ARHGAP44: variants seen among roughly 807,000 people sequenced by gnomAD.
The protein encoded by ARHGAP44 is rho GTPase-activating protein 44.
In ARHGAP44, 43 loss-of-function variants were observed where a neutral mutation model predicts 106.8. The ratio of observed to expected loss-of-function variants is 0.40; its 90% confidence interval spans 0.32 to 0.52. The LOEUF (loss-of-function observed/expected upper bound fraction) is 0.52. ARHGAP44 is among the 20% of genes least tolerant of loss of function. ARHGAP44 has a pLI of 0.48. For synonymous variants in ARHGAP44, 439 were observed against 410.3 expected, an observed-to-expected ratio of 1.07 and a Z score of -0.85; for missense variants, 866 against 1,050.5, an observed-to-expected ratio of 0.82 and a Z score of 2.43.
chr17:12,950,908 G>A (rs989718722), intron 12 of ARHGAP44, among the ~76,000 whole-genome samples: 1 of 152,310 alleles, frequency 6.6e-6, no homozygotes, highest in African/African-American at 2.4e-5. Context: ...AGGAACAACA[G>A]TGAAATATGT....
At chr17:12,935,213 TA>T (rs985329179) in intron 7 of ARHGAP44, among the ~76,000 whole-genome samples, 12 of 152,132 alleles carry the variant, frequency 7.9e-5, no homozygotes, top group African/African-American at 2.2e-4. Flanking sequence ...GAGAACACTT[TA>T]AAAAAATATT....
chr17:12,858,440 G>A (rs921170447), intron 1 of ARHGAP44, among the ~76,000 whole-genome samples: 1 of 152,192 alleles, frequency 6.6e-6, no homozygotes, highest in African/African-American at 2.4e-5. Context: ...TTTTGTATCT[G>A]TAAGCATGAG....
At chr17:12,818,351 A>C (rs1015168140) in intron 1 of ARHGAP44, among the ~76,000 whole-genome samples, 2 of 151,368 alleles carry the variant, frequency 1.3e-5, no homozygotes, top group South Asian at 2.1e-4. Context: ...AAAAAAAAAA[A>C]AACAACCCTA....
At chr17:12,874,517 G>T (rs1158072783) in intron 1 of ARHGAP44, among the ~76,000 whole-genome samples, 1 of 152,052 alleles carries the variant, frequency 6.6e-6, no homozygotes, top group Non-Finnish European at 1.5e-5. Flanking sequence ...GATCGCCTGA[G>T]GTCAGGAGTT....
intron 10 of ARHGAP44, among the ~76,000 whole-genome samples, chr17:12,944,652 ATTT>A (rs5819393): frequency 7.3e-6 from 1 of 137,450 alleles, no homozygotes; most frequent in Non-Finnish European, 1.6e-5. Flanking sequence ...CGCCCAGCTA[ATTT>A]TTTTTTTTTT....
At chr17:12,863,344 G>T (rs1011684844) in intron 1 of ARHGAP44, among the ~76,000 whole-genome samples, 4 of 151,908 alleles carry the variant, frequency 2.6e-5, no homozygotes, top group Non-Finnish European at 5.9e-5. Context: ...AAAATTCCTT[G>T]ACCTAGTTTA....
At chr17:12,810,451 T>C (rs1324458861) in intron 1 of ARHGAP44, among the ~76,000 whole-genome samples, 1 of 152,168 alleles carries the variant, frequency 6.6e-6, no homozygotes, top group Non-Finnish European at 1.5e-5. Flanking sequence ...TATGCTAATA[T>C]GGTGACTCAT....
At chr17:12,834,305 A>G (rs994411224) in intron 1 of ARHGAP44, among the ~76,000 whole-genome samples, 2 of 152,322 alleles carry the variant, frequency 1.3e-5, no homozygotes, top group Non-Finnish European at 1.5e-5. Flanking sequence ...CTAACTGACA[A>G]TATGCTCCTT....
intron 3 of ARHGAP44, 80 bp from the exon 4 acceptor site, chr17:12,908,817 G>A: frequency 9.0e-7 from 1 of 1,111,164 alleles, no homozygotes; most frequent in Non-Finnish European, 1.3e-6. Flanking sequence ...ACCTTGGCAA[G>A]TATTTGACTT....
At chr17:12,825,430 G>A (rs1035225696) in intron 1 of ARHGAP44, among the ~76,000 whole-genome samples, 2 of 152,044 alleles carry the variant, frequency 1.3e-5, no homozygotes, top group African/African-American at 4.8e-5. Context: ...GTGTGTGTGT[G>A]TGTGTGTGTG....
intron 20 of ARHGAP44, chr17:12,985,201 T>C (rs963257299): frequency 8.4e-6 from 3 of 356,282 alleles, no homozygotes; most frequent in African/African-American, 6.2e-5. Flanking sequence ...CTGAGTCATT[T>C]GGAGTGGGGC....
chr17:12,989,930 G>C (rs2040076964), intron 20 of ARHGAP44, 102 bp from the exon 21 acceptor site: 1 of 1,493,608 alleles, frequency 6.7e-7, no homozygotes, highest in African/African-American at 1.4e-5. Context: ...CCCTAGAATA[G>C]CAGCACCCCT....
At chr17:12,936,984 G>T (rs1177290527) in intron 7 of ARHGAP44, among the ~76,000 whole-genome samples, 4 of 152,136 alleles carry the variant, frequency 2.6e-5, no homozygotes, top group African/African-American at 9.7e-5. Flanking sequence ...AAGAAACAGC[G>T]GTAAATAGTT....
intron 1 of ARHGAP44, among the ~76,000 whole-genome samples, chr17:12,800,295 T>G (rs181340280): frequency 6.6e-6 from 1 of 152,360 alleles, no homozygotes; most frequent in Non-Finnish European, 1.5e-5. Flanking sequence ...AGGCAGCACC[T>G]TGAGGTATCA....
chr17:12,981,244 G>A (rs955216913), intron 19 of ARHGAP44, among the ~76,000 whole-genome samples: 6 of 152,278 alleles, frequency 3.9e-5, no homozygotes, highest in South Asian at 2.1e-4. Context: ...ATGCTTTCTC[G>A]ACTCAGGAGT....
At chr17:12,851,424 C>T (rs985579405) in intron 1 of ARHGAP44, among the ~76,000 whole-genome samples, 6 of 151,728 alleles carry the variant, frequency 4.0e-5, no homozygotes, top group Non-Finnish European at 8.8e-5. Flanking sequence ...CCTCCTTCTC[C>T]CTCACTGCTC....
At chr17:12,865,248 A>G (rs1281704203) in intron 1 of ARHGAP44, among the ~76,000 whole-genome samples, 3 of 152,208 alleles carry the variant, frequency 2.0e-5, no homozygotes, top group Non-Finnish European at 4.4e-5. Flanking sequence ...GTAGAAGAAG[A>G]CAATAGAACA....
chr17:12,817,565 A>G (rs573822002), intron 1 of ARHGAP44, among the ~76,000 whole-genome samples: 1 of 152,172 alleles, frequency 6.6e-6, no homozygotes, highest in Admixed American at 6.5e-5. Context: ...ACAGAAAAAA[A>G]TTAGAATAAA....
At chr17:12,968,772 CT>C (rs533743635) in intron 16 of ARHGAP44, among the ~76,000 whole-genome samples, 11,115 of 115,404 alleles carry the variant, frequency 0.096, 521 homozygotes, top group African/African-American at 0.17. Context: ...TATTTCTTTT[CT>C]TTTTTTTTTT....
Sources: allele counts gnomAD v4.1 joint callset (sites outside exome capture counted in the v4.1 genomes callset), GRCh38; gene constraint gnomAD v4.1.1; transcripts MANE v1.5; gene names NCBI Gene and HGNC (gene_info 2026-07-23, HGNC 2026-07-21).